The following MACF1 variants were observed in gnomAD, a reference collection of about 807,000 sequenced individuals.
MACF1 encodes the protein microtubule-actin cross-linking factor 1.
In MACF1, 193 loss-of-function variants were observed where a neutral mutation model predicts 854.8. The observed-to-expected ratio is 0.23, with a 90% confidence interval of 0.20 to 0.25. The LOEUF is 0.25. Among genes scored for constraint, MACF1 ranks in the 10% least tolerant of loss-of-function variants. MACF1 has a pLI of 1.00. For synonymous variants in MACF1, 3,185 were observed against 3,226.7 expected (o/e 0.99, Z 0.44); for missense variants, 7,722 against 8,929.1 (o/e 0.86, Z 5.45).
At chr1:39,411,703 G>A (rs759260482) in intron 58 of MACF1, 11 of 1,613,748 alleles carry the variant, frequency 6.8e-6, no homozygotes, top group South Asian at 1.1e-5. Flanking sequence ...TGAAGAAGGA[G>A]TAACTCCTCT....
intron 40 of MACF1, 117 bp downstream of exon 40, chr1:39,341,070 G>A: frequency 2.1e-6 from 2 of 931,378 alleles, no homozygotes; most frequent in South Asian, 1.9e-5. Context: ...GTCTTGCTCT[G>A]TCACCCAAGC....
At chr1:39,115,834 A>T (rs185937799) in intron 2 of MACF1, among the ~76,000 whole-genome samples, 12 of 152,318 alleles carry the variant, frequency 7.9e-5, no homozygotes, top group African/African-American at 1.9e-4. Context: ...GAAAGGTAAG[A>T]GGAACAGGAG....
Position 39,358,729 on chromosome 1 carries a change from G to T in MACF1, c.11976G>T (p.Leu3992=). 1 of 1,614,124 alleles carries T rather than the reference G, an allele frequency of 6.2e-7. No individual in the cohort carries two copies. The highest frequency in any genetic ancestry group is 8.5e-7 in the Non-Finnish European group (1 of 1,180,014). Residue 3992 remains leucine (L), a synonymous_variant, in exon 46 of 101, where the codon CTG becomes CTT. Coordinates refer to ENST00000564288, the MANE Select transcript of MACF1 (RefSeq NM_001394062.1). Reference sequence around the variant, plus strand: ...GATTAGGATCTCACCTGAATATGCTGTTAGGCCAGTATCATCAATTCCAAA... The same window carrying T: ...GATTAGGATCTCACCTGAATATGCTTTTAGGCCAGTATCATCAATTCCAAA... The part of the protein sequence containing the change: ...CTRLGSHLNM[L]LGQYHQFQNS...
At chr1:39,443,296 G>C in intron 78 of MACF1, 150 bp from the exon 79 acceptor site, 1 of 689,148 alleles carries the variant, frequency 1.5e-6, no homozygotes, top group Non-Finnish European at 2.4e-6. Context: ...CAATAATATT[G>C]GCCCCATGCT....
At chr1:39,357,986 G>A in intron 45 of MACF1, 93 bp downstream of exon 45, 1 of 1,266,926 alleles carries the variant, frequency 7.9e-7, no homozygotes. Flanking sequence ...AAGAACTCCA[G>A]GACACAGTAG....
Position 39,251,857 on chromosome 1 carries a change from G to A in MACF1, c.273G>A (p.Gly91=). Residue 91 remains glycine, a synonymous_variant, in exon 4 of 101, where the codon GGG becomes GGA. Transcript: ENST00000564288. ...GTTGGTGGCCAAAGGAGCCAGCAGG[G>A]CTGAAGACCCTCCGTCTGGTGAGCA... The part of the protein sequence containing the change: ...VLSGIKLEPA[G]LKTLRLVSMP... The A allele has an allele frequency of 6.7e-7, 1 of 1,485,586 alleles. No homozygotes were observed. The highest frequency in any genetic ancestry group is 1.4e-5 in the African/African-American group (1 of 71,062). The allele number at this position is 1,485,586 out of a possible 1,614,324, so 92.0% of individuals were successfully genotyped here. A position where few individuals can be genotyped will look rare whatever the true frequency, so the allele number is the denominator to read the frequency against.
At chr1:39,450,443 A>G (rs1192105992) in intron 84 of MACF1, among the ~76,000 whole-genome samples, 1 of 151,972 alleles carries the variant, frequency 6.6e-6, no homozygotes, top group Non-Finnish European at 1.5e-5. Flanking sequence ...GTGGTATATG[A>G]GGTGATTAAC....
intron 2 of MACF1, chr1:39,121,156 T>C (rs1388986316): frequency 6.6e-6 from 1 of 152,212 alleles, no homozygotes; most frequent in African/African-American, 2.4e-5. Flanking sequence ...ATTGAATGAA[T>C]GAATTGGAAA....
intron 2 of MACF1, among the ~76,000 whole-genome samples, chr1:39,107,855 CATT>C (rs1642288423): frequency 6.6e-6 from 1 of 152,160 alleles, no homozygotes; most frequent in African/African-American, 2.4e-5. Context: ...GTAGTCACCT[CATT>C]ATACAGGCTG....
chr1:39,216,680 T>C (rs1438752774), intron 1 of MACF1, among the ~76,000 whole-genome samples: 1 of 150,022 alleles, frequency 6.7e-6, no homozygotes. Context: ...GTGGTCTACT[T>C]TTTTTTTTTA....
intron 6 of MACF1, among the ~76,000 whole-genome samples, chr1:39,267,199 C>G (rs1308287093): frequency 6.6e-6 from 1 of 152,148 alleles, no homozygotes; most frequent in African/African-American, 2.4e-5. Context: ...GCTGTGTAAC[C>G]TAGGGCTATT....
chr1:39,341,004 C>G, intron 40 of MACF1, 51 bp downstream of exon 40: 2 of 1,457,848 alleles, frequency 1.4e-6, no homozygotes, highest in Non-Finnish European at 1.9e-6. Context: ...AATTTTATTT[C>G]CCTGCTAGGC....
Position 39,334,967 on chromosome 1 carries a change from G to A in MACF1, c.8379G>A (p.Met2793Ile), listed in dbSNP as rs147062334. The change falls in exon 37 of 101, where the codon ATG (methionine) becomes ATA (isoleucine). Residue 2793 changes from methionine (M) to isoleucine (I), a missense_variant. Met to Ile is a conservative substitution (Grantham distance 10). Coordinates refer to ENST00000564288, the MANE Select transcript of MACF1 (RefSeq NM_001394062.1). ...ALQNEFLGKD[M>I]LIACNQTAEM... ...AAAATGAATTTCTAGGAAAGGATAT[G>A]TTAATTGCTTGTAATCAGACTGCTG... The A allele has an allele frequency of 6.4e-5, 104 of 1,614,166 alleles. 1 individual carries two copies. The African/African-American group carries it at 1.2e-3, about 19-fold the overall frequency.
chr1:39,235,141 A>G (rs1316110628), intron 2 of MACF1, among the ~76,000 whole-genome samples: 1 of 152,128 alleles, frequency 6.6e-6, no homozygotes. Flanking sequence ...GCACTTTGGG[A>G]GGCCAAGGCA....
rs376646815 is a variant in MACF1, at chr1:39,350,861, A to G, written c.11042A>G (p.Glu3681Gly). ...AAGGACATTGAGGGGTTCATGGAAG[A>G]GAATCAGACCAAGCTGAGCCCACGT... Reference protein sequence around the residue: ...VVKDIEGFMEENQTKLSPREL... With the variant: ...VVKDIEGFMEGNQTKLSPREL... Residue 3681 changes from glutamate (E) to glycine (G), a missense_variant, in exon 43 of 101, where the codon GAG becomes GGG. Around this residue, in one of 15 missense-constraint regions of MACF1, gnomAD observed 2,807 missense variants for 3,235.8 expected, o/e 0.87. Transcript: ENST00000564288. 97 of 1,613,978 alleles carry G rather than the reference A, an allele frequency of 6.0e-5. No homozygotes were observed. Among genetic ancestry groups the G allele is most frequent in the Non-Finnish European group, 7.9e-5 (93 of 1,180,000 alleles).
At chr1:39,163,882 T>A (rs1158581421) in intron 2 of MACF1, among the ~76,000 whole-genome samples, 1 of 152,246 alleles carries the variant, frequency 6.6e-6, no homozygotes, top group Non-Finnish European at 1.5e-5. Context: ...TACATTGTCC[T>A]TATAGAAAGC....
At chr1:39,162,799 G>A (rs763465195) in intron 2 of MACF1, among the ~76,000 whole-genome samples, 4 of 152,036 alleles carry the variant, frequency 2.6e-5, no homozygotes, top group African/African-American at 7.2e-5. Context: ...AGATGTTAGC[G>A]ATACTGTTTC....
chr1:39,102,676 C>A (rs898787426), intron 2 of MACF1: 2 of 677,938 alleles, frequency 3.0e-6, no homozygotes, highest in Non-Finnish European at 5.4e-6. Flanking sequence ...GCATTAATTT[C>A]CTTGTATTAC....
At chr1:39,179,270 TGC>T (rs1355254992) in intron 2 of MACF1, among the ~76,000 whole-genome samples, 2 of 152,208 alleles carry the variant, frequency 1.3e-5, no homozygotes, top group African/African-American at 4.8e-5. Context: ...TAGGAAAACT[TGC>T]TCCACTCAGA....
Sources: allele counts gnomAD v4.1 joint callset (sites outside exome capture counted in the v4.1 genomes callset), GRCh38; gene constraint gnomAD v4.1.1; regional missense constraint gnomAD v4.1.1; transcripts MANE v1.5; gene names NCBI Gene and HGNC (gene_info 2026-07-23, HGNC 2026-07-21).